FAM3A: variants seen among roughly 807,000 people sequenced by gnomAD.
FAM3A encodes the protein protein FAM3A.
A neutral mutation model predicts 18.1 loss-of-function variants in FAM3A; 5 were observed. That is an observed-to-expected ratio of 0.28 (90% CI 0.14 to 0.58). The LOEUF is 0.58. FAM3A is among the 20% of genes least tolerant of loss of function. FAM3A has a pLI of 0.91. For synonymous variants in FAM3A, 108 were observed against 90.2 expected (o/e 1.20, Z -1.12); for missense variants, 154 against 216.6 (o/e 0.71, Z 1.81).
rs1445776197 is a variant in FAM3A, at chrX:154,515,276, CAA to C, written c.13+482_13+483del. Among the ~76,000 whole-genome samples the C allele has an allele frequency of 8.1e-4, 91 of 112,123 alleles. 2 individuals are homozygous for C. The highest frequency in any genetic ancestry group is 2.3e-4 in the Non-Finnish European group (12 of 53,179). On this transcript the variant is annotated intron_variant, in intron 1 of 8. Transcript: ENST00000447601. ...GGCCAGCTCCACCTGGATATGTCCA[CAA>C]AGTTACCACCTTAGCAAGTCTGAAG... is the stretch of plus-strand genomic sequence containing the variant.
chrX:154,508,403 A>T lies in FAM3A; in HGVS notation c.276-56T>A, dbSNP rs1194205942. 5.1e-6 allele frequency: 6 copies of T among 1,168,843 alleles called. No homozygotes were observed. The East Asian group carries it at 1.8e-4, about 35-fold the overall frequency. On this transcript the variant is annotated intron_variant, in intron 4 of 8. Coordinates refer to ENST00000447601, the MANE Select transcript of FAM3A (RefSeq NM_021806.4). ...GATCCCACATGGGCACGTCTGCTCC[A>T]CTCTCCCTTGCAGACCCGGCCCTGG...
intron 8 of FAM3A, 138 bp from the exon 9 acceptor site, chrX:154,507,044 TC>T: frequency 1.1e-6 from 1 of 916,603 alleles, no homozygotes; most frequent in Non-Finnish European, 1.5e-6. Context: ...CCTCCACCCA[TC>T]CCAGGGAAAC....
chrX:154,512,417 A>G (rs1557223393), intron 2 of FAM3A: 1 of 216,346 alleles, frequency 4.6e-6, no homozygotes, highest in South Asian at 7.1e-5. Flanking sequence ...CCAGCCTGGG[A>G]GACAAAGTGA....
chrX:154,507,765 G>A, intron 6 of FAM3A, 46 bp downstream of exon 6: 1 of 1,111,046 alleles, frequency 9.0e-7, no homozygotes, highest in Non-Finnish European at 1.2e-6. Context: ...AGCTGCCCAG[G>A]TCATTTTGCT....
chrX:154,516,060 C>T lies in FAM3A; in HGVS notation c.-288G>A. On this transcript the variant is annotated 5_prime_UTR_variant, in exon 1 of 9. Coordinates refer to ENST00000447601, the MANE Select transcript of FAM3A (RefSeq NM_021806.4). ...GACGAAGATGTGGTTCTCCTGGGCT[C>T]GGGCCGTTCCTCCGGGCCTGGGGGC... 3.2e-6 allele frequency: 1 copy of T among 314,318 alleles called. No individual in the cohort carries two copies. Among genetic ancestry groups the T allele is most frequent in the Non-Finnish European group, 5.6e-6 (1 of 179,954 alleles). The allele number at this position is 314,318 out of a possible 1,213,427, so 25.9% of individuals were successfully genotyped here. A position where few individuals can be genotyped will look rare whatever the true frequency, so the allele number is the denominator to read the frequency against.
At position 154,506,774 on chromosome X, in the gene FAM3A, T is replaced by C; in HGVS notation, c.*37A>G. ...CCGGCAGCGCGCGTGCCTCCCTTGG[T>C]CTGGCCTCCCTCGGCCCGGTCCTGG... is the stretch of plus-strand genomic sequence containing the variant. On this transcript the variant is annotated 3_prime_UTR_variant, in exon 9 of 9. Coordinates refer to ENST00000447601, the MANE Select transcript of FAM3A (RefSeq NM_021806.4). The C allele has an allele frequency of 8.7e-7, 1 of 1,151,753 alleles. No homozygotes were observed. Among genetic ancestry groups the C allele is most frequent in the Non-Finnish European group, 1.2e-6 (1 of 842,968 alleles). The allele number at this position is 1,151,753 out of a possible 1,213,427, so 94.9% of individuals were successfully genotyped here.
chrX:154,515,667 A>T (rs1199172987), intron 1 of FAM3A, 93 bp downstream of exon 1: 2 of 1,005,506 alleles, frequency 2.0e-6, no homozygotes, highest in South Asian at 1.9e-5. Flanking sequence ...CCAGTGGTTC[A>T]CCCGGGCCTC....
Position 154,506,725 on chromosome X carries a change from G to A in FAM3A, c.*86C>T, listed in dbSNP as rs1203481220. On this transcript the variant is annotated 3_prime_UTR_variant, in exon 9 of 9. Coordinates refer to ENST00000447601, the MANE Select transcript of FAM3A (RefSeq NM_021806.4). ...GGGAGCGCTCCTGCCCGGGTGTGGG[G>A]TGTGAGCCTCAGCCTCTGTCCGCCC... is the stretch of plus-strand genomic sequence containing the variant. 6 of 755,581 alleles carry A rather than the reference G, an allele frequency of 7.9e-6. No individual in the cohort carries two copies. In the Admixed American group the frequency reaches 9.6e-5, roughly 12 times the overall value. 62.3% of individuals were successfully genotyped at this position (755,581 alleles called of 1,213,427 possible).
chrX:154,506,861 C>T lies in FAM3A; in HGVS notation c.643G>A (p.Glu215Lys), dbSNP rs782756811. The T allele has an allele frequency of 7.4e-6, 9 of 1,211,915 alleles. No individual in the cohort carries two copies. The highest frequency in any genetic ancestry group is 2.2e-5 in the Admixed American group (1 of 46,110). ...ATACAGCCTTCCATCTCCAGCGCCT[C>T]GGGCCAGCCTTCGTACTTGTTGCTG... is the stretch of plus-strand genomic sequence containing the variant. ...KHSNKYEGWP[E>K]ALEMEGCIPR... Residue 215 changes from glutamate (E) to lysine (K), a missense_variant, in exon 9 of 9, where the codon GAG becomes AAG. Transcript: ENST00000447601.
rs147816482 is a variant in FAM3A, at chrX:154,507,242, G to A, written c.558C>T (p.Val186=). Residue 186 remains valine, a synonymous_variant, in exon 8 of 9, where the codon GTC becomes GTT. Coordinates refer to ENST00000447601, the MANE Select transcript of FAM3A (RefSeq NM_021806.4). ...TCTTGTTCTGCACACCCTTGGCCCC[G>A]ACAAACACCCAGCTGTCCCGGAAGG... ...ELAFRDSWVF[V]GAKGVQNKSP... 145 of 1,207,915 alleles carry A rather than the reference G, an allele frequency of 1.2e-4. No individual in the cohort carries two copies. The highest frequency in any genetic ancestry group is 3.0e-4 in the African/African-American group (17 of 57,306).
In FAM3A at chrX:154,516,022, C is replaced by A; in HGVS notation, c.-250G>T. 2.5e-6 allele frequency: 1 copy of A among 406,417 alleles called. No homozygotes were observed. The highest frequency in any genetic ancestry group is 4.3e-6 in the Non-Finnish European group (1 of 233,035). 33.5% of individuals were successfully genotyped at this position (406,417 alleles called of 1,213,427 possible). A position where few individuals can be genotyped will look rare whatever the true frequency, so the allele number is the denominator to read the frequency against. On this transcript the variant is annotated 5_prime_UTR_variant, in exon 1 of 9. Coordinates refer to ENST00000447601, the MANE Select transcript of FAM3A (RefSeq NM_021806.4). Reference sequence around the variant, plus strand: ...TGGCTCACGATCTTGCCCACAGGAGCCTCCGGGGCTGGGACGAAGATGTGG... The same window carrying A: ...TGGCTCACGATCTTGCCCACAGGAGACTCCGGGGCTGGGACGAAGATGTGG...
chrX:154,511,586 T>C (rs1466911226), intron 3 of FAM3A, among the ~76,000 whole-genome samples: 1 of 112,126 alleles, frequency 8.9e-6, no homozygotes, highest in Non-Finnish European at 1.9e-5. Flanking sequence ...TGGACTTGCT[T>C]GGGACGGGTG....
intron 1 of FAM3A, among the ~76,000 whole-genome samples, chrX:154,513,194 C>T (rs2069988851): frequency 9.0e-6 from 1 of 111,577 alleles, no homozygotes; most frequent in Non-Finnish European, 1.9e-5. Flanking sequence ...GGGGGCCTTC[C>T]AGAACTCTCT....
chrX:154,515,907 G>C lies in FAM3A; in HGVS notation c.-135C>G. On this transcript the variant is annotated 5_prime_UTR_variant, in exon 1 of 9. Coordinates refer to ENST00000447601, the MANE Select transcript of FAM3A (RefSeq NM_021806.4). ...TGGGGGCGGGCGCGATCGGTGCTACGACCTGTTTGTCCAGCCGCCCGGCCA... is the reference window on the plus strand; with the variant it reads ...TGGGGGCGGGCGCGATCGGTGCTACCACCTGTTTGTCCAGCCGCCCGGCCA... 1 of 644,080 alleles carries C rather than the reference G, an allele frequency of 1.6e-6. No individual in the cohort carries two copies. Among genetic ancestry groups the C allele is most frequent in the Non-Finnish European group, 2.4e-6 (1 of 408,778 alleles). 53.1% of individuals were successfully genotyped at this position (644,080 alleles called of 1,213,427 possible).
rs1557222905 is a variant in FAM3A at position 154,511,886 on chromosome X, T to A, written c.128-15A>T. ...GCTCTCTGGACCTGTGGATACAGAG[T>A]GGTTTCTGTTAGTGTGGAGCCTCCC... is the stretch of plus-strand genomic sequence containing the variant. On this transcript the variant is annotated splice_polypyrimidine_tract_variant and intron_variant, in intron 2 of 8. Transcript: ENST00000447601. The A allele has an allele frequency of 1.7e-6, 2 of 1,203,083 alleles. No homozygotes were observed. The highest frequency in any genetic ancestry group is 2.2e-6 in the Non-Finnish European group (2 of 890,864).
chrX:154,508,628 G>T (rs782195461), intron 3 of FAM3A, 31 bp from the exon 4 acceptor site: 19 of 1,171,874 alleles, frequency 1.6e-5, no homozygotes, highest in African/African-American at 1.8e-5. Flanking sequence ...TTATCCATGG[G>T]CCTGGCCCTG....
intron 2 of FAM3A, chrX:154,512,242 T>TAAGAAG (rs1251382761): frequency 3.6e-5 from 1 of 27,989 alleles, no homozygotes; most frequent in Non-Finnish European, 6.9e-5. Context: ...ATAATAATAA[T>TAAGAAG]AATAATAATA....
chrX:154,512,073 G>A (rs973040227), intron 2 of FAM3A, among the ~76,000 whole-genome samples: 6 of 110,284 alleles, frequency 5.4e-5, no homozygotes, highest in African/African-American at 2.0e-4. Flanking sequence ...GGAACAGGGG[G>A]AAATGGAATT....
intron 3 of FAM3A, chrX:154,509,321 C>A (rs782436791): frequency 8.6e-6 from 1 of 116,175 alleles, no homozygotes; most frequent in South Asian, 3.4e-4. Context: ...TCCTGTAGAA[C>A]TTTCAGGGTG....
Sources: gnomAD v4.1 joint callset for allele counts (sites outside exome capture counted in the v4.1 genomes callset) on GRCh38, gnomAD v4.1.1 for gene constraint, MANE v1.5 for transcripts, NCBI Gene and HGNC (gene_info 2026-07-23, HGNC 2026-07-21) for gene names.